ANK1: variants seen among roughly 807,000 people sequenced by gnomAD.
The protein encoded by ANK1 is ankyrin 1, also known as ankyrin-1.
A neutral mutation model predicts 210.4 loss-of-function variants in ANK1; 51 were observed. The ratio of observed to expected loss-of-function variants is 0.24; its 90% CI spans 0.19 to 0.31. ANK1 has a LOEUF of 0.31. Among genes scored for constraint, ANK1 ranks in the 10% least tolerant of loss-of-function variants. ANK1 has a pLI of 1.00. For missense variants in ANK1, 2,051 were observed against 2,504.4 expected (o/e 0.82, Z 3.86); for synonymous variants, 967 against 1,025.9 (o/e 0.94, Z 1.10).
At chr8:41,723,427 C>G (rs1225747333) in intron 8 of ANK1, 108 bp downstream of exon 8, 1 of 1,346,864 alleles carries the variant, frequency 7.4e-7, no homozygotes, top group Admixed American at 1.7e-5. Context: ...CTCCGGGAGG[C>G]TGGTGGTGCA....
At chr8:41,741,910 C>A (rs558281083) in intron 2 of ANK1, among the ~76,000 whole-genome samples, 3 of 152,198 alleles carry the variant, frequency 2.0e-5, no homozygotes, top group Non-Finnish European at 4.4e-5. Context: ...AGGAGATAAC[C>A]TTTTAAGGCT....
At position 41,708,760 on chromosome 8, in the gene ANK1, C is replaced by T. The variant is rs368285857; in HGVS notation, c.1998+18G>A. ...GTTATCCAGCACTCCAGGGCAGATC[C>T]GAAGACACCATGCCTACCTTGTTCC... is the stretch of plus-strand genomic sequence containing the variant. On this transcript the variant is annotated intron_variant, in intron 17 of 42. Transcript: ENST00000289734. 3.4e-4 allele frequency: 551 copies of T among 1,612,924 alleles called. 1 individual carries two copies. Among genetic ancestry groups the T allele is most frequent in the Non-Finnish European group, 4.3e-4 (511 of 1,179,970 alleles).
intron 16 of ANK1, among the ~76,000 whole-genome samples, chr8:41,709,620 G>A (rs1395407051): frequency 6.6e-6 from 1 of 152,240 alleles, no homozygotes; most frequent in Non-Finnish European, 1.5e-5. Flanking sequence ...TACTATACGT[G>A]AAGGTATGTT....
chr8:41,847,616 T>C (rs888381200), intron 1 of ANK1, among the ~76,000 whole-genome samples: 1 of 152,222 alleles, frequency 6.6e-6, no homozygotes, highest in African/African-American at 2.4e-5. Context: ...ATCTTCATTT[T>C]ACACATGCAG....
At chr8:41,864,845 C>G (rs1814047097) in intron 1 of ANK1, among the ~76,000 whole-genome samples, 1 of 152,168 alleles carries the variant, frequency 6.6e-6, no homozygotes, top group Admixed American at 6.5e-5. Flanking sequence ...CACATGAAGC[C>G]AAACACCTGG....
chr8:41,690,143 G>A, intron 33 of ANK1, 84 bp downstream of exon 33: 1 of 1,594,852 alleles, frequency 6.3e-7, no homozygotes, highest in Non-Finnish European at 8.6e-7. Context: ...AAGCCCCTTG[G>A]AAGTGCTGGA....
At chr8:41,662,700 T>C (rs550673248) in intron 40 of ANK1, among the ~76,000 whole-genome samples, 15 of 152,300 alleles carry the variant, frequency 9.8e-5, no homozygotes, top group Non-Finnish European at 2.2e-4. Flanking sequence ...ACACTGTCCC[T>C]GCCTGCAAGC....
chr8:41,806,497 T>C (rs140118150), intron 1 of ANK1, among the ~76,000 whole-genome samples: 4 of 152,304 alleles, frequency 2.6e-5, no homozygotes, highest in African/African-American at 7.2e-5. Flanking sequence ...GGAAGATCAC[T>C]TGAGGTCAGG....
intron 1 of ANK1, among the ~76,000 whole-genome samples, chr8:41,802,959 GA>G (rs66535831): frequency 0.26 from 8,784 of 34,010 alleles, 1,745 homozygotes; most frequent in Non-Finnish European, 0.43. Flanking sequence ...GGGGGGGGGG[GA>G]GAGAGAGAGA....
At chr8:41,837,955 C>A (rs534230019) in intron 1 of ANK1, among the ~76,000 whole-genome samples, 1 of 152,310 alleles carries the variant, frequency 6.6e-6, no homozygotes, top group Admixed American at 6.5e-5. Context: ...GCAGGGCAGG[C>A]TCTGGCCACC....
At chr8:41,865,964 T>C (rs1046569489) in intron 1 of ANK1, among the ~76,000 whole-genome samples, 1 of 152,142 alleles carries the variant, frequency 6.6e-6, no homozygotes, top group African/African-American at 2.4e-5. Context: ...ACTCAATGGG[T>C]CTGCAGTGCC....
intron 2 of ANK1, among the ~76,000 whole-genome samples, chr8:41,748,020 G>A (rs1836618496): frequency 1.3e-5 from 2 of 152,134 alleles, no homozygotes; most frequent in Non-Finnish European, 2.9e-5. Context: ...TGGGCTCTGA[G>A]ACTCTTCACC....
In ANK1 at chr8:41,756,885, A is replaced by G. The variant is rs537648663; in HGVS notation, c.129+1151T>C. ...GCTTGGAAAAGTCACCCAAGCCACT[A>G]AAGTACAGAGGAACCATGAAGACAC... On this transcript the variant is annotated intron_variant, in intron 2 of 42. Transcript: ENST00000289734. Among the ~76,000 whole-genome samples, 37 of 152,348 alleles carry G rather than the reference A, an allele frequency of 2.4e-4. 1 individual carries two copies. Among genetic ancestry groups the G allele is most frequent in the African/African-American group, 7.2e-5 (3 of 41,578 alleles).
At chr8:41,793,593 A>T in intron 1 of ANK1, among the ~76,000 whole-genome samples, 1 of 152,110 alleles carries the variant, frequency 6.6e-6, no homozygotes. Context: ...TAAGAAGACC[A>T]CTGTTGCTTT....
rs760409431 is a variant in ANK1, at chr8:41,694,648, C to T, written c.3271G>A (p.Val1091Ile). The part of the protein sequence containing the change: ...GSLKSKLVPL[V>I]QATFPENAVT... ...GCATTCTCCGGGAACGTTGCCTGTA[C>T]CAGGGGCACCAGCTTGCTCTTCAGG... The change falls in exon 28 of 43, where the codon GTA (valine) becomes ATA (isoleucine). Residue 1091 changes from valine (V) to isoleucine (I), a missense_variant. Transcript: ENST00000289734. The surrounding 1 kb of genome is among the most constrained non-coding windows in gnomAD (Gnocchi z 5.7). The T allele has an allele frequency of 6.2e-7, 1 of 1,614,104 alleles. No homozygotes were observed. Among genetic ancestry groups the T allele is most frequent in the Non-Finnish European group, 8.5e-7 (1 of 1,180,016 alleles).
At chr8:41,746,146 G>A (rs1158232876) in intron 2 of ANK1, among the ~76,000 whole-genome samples, 2 of 152,230 alleles carry the variant, frequency 1.3e-5, no homozygotes, top group Admixed American at 6.5e-5. Context: ...ACCTCTTCTG[G>A]AGGGCAGGCC....
chr8:41,861,684 G>T (rs753280837), intron 1 of ANK1, among the ~76,000 whole-genome samples: 6 of 152,202 alleles, frequency 3.9e-5, no homozygotes, highest in Non-Finnish European at 5.9e-5. Flanking sequence ...CCAGGCCCAC[G>T]CTAGGCACTG....
intron 1 of ANK1, among the ~76,000 whole-genome samples, chr8:41,780,492 G>T (rs149923015): frequency 2.0e-5 from 3 of 152,196 alleles, no homozygotes; most frequent in Non-Finnish European, 4.4e-5. Context: ...GGGGTGAGAC[G>T]TCCTCCTCTG....
At chr8:41,720,214 C>T (rs10093932) in intron 9 of ANK1, among the ~76,000 whole-genome samples, 93,256 of 152,132 alleles carry the variant, frequency 0.61, 29,039 homozygotes, top group African/African-American at 0.69. Flanking sequence ...GAGTGTATCT[C>T]TTCTCTTTAT....
Sources: gnomAD v4.1 joint callset for allele counts (sites outside exome capture counted in the v4.1 genomes callset) on GRCh38, gnomAD v4.1.1 for gene constraint, Gnocchi (gnomAD v3.1) non-coding constraint, MANE v1.5 for transcripts, NCBI Gene and HGNC (gene_info 2026-07-23, HGNC 2026-07-21) for gene names.